Variants in IPO11 observed in about 807,000 individuals in gnomAD.
The protein encoded by IPO11 is importin 11.
Under a neutral mutation model 143.2 loss-of-function variants are expected in IPO11, and 66 were observed. That is an observed-to-expected ratio of 0.46 (90% CI 0.38 to 0.57). IPO11 has a LOEUF of 0.57. Among genes scored for constraint, IPO11 ranks in the 20% least tolerant of loss-of-function variants. IPO11 has a pLI of 0.00. For missense variants in IPO11, 1,026 were observed against 1,141.0 expected (o/e 0.90, Z 1.45); for synonymous variants, 385 against 377.8 (o/e 1.02, Z -0.22).
intron 28 of IPO11, among the ~76,000 whole-genome samples, chr5:62,598,380 C>G (rs28673493): frequency 4.3e-5 from 1 of 23,510 alleles, no homozygotes; most frequent in Non-Finnish European, 7.7e-5. Context: ...AAATTGTTTG[C>G]TTGCTTGCTT....
intron 24 of IPO11, among the ~76,000 whole-genome samples, chr5:62,542,103 T>TA (rs1742971734): frequency 1.3e-5 from 2 of 152,010 alleles, no homozygotes; most frequent in Non-Finnish European, 2.9e-5. Context: ...AAGATGGAGT[T>TA]ACGCTCTTGT....
chr5:62,496,841 A>G (rs537036667), intron 16 of IPO11, among the ~76,000 whole-genome samples: 4 of 152,228 alleles, frequency 2.6e-5, no homozygotes, highest in Admixed American at 6.5e-5. Flanking sequence ...ACCAAAAAAT[A>G]TGTCACTCTG....
intron 27 of IPO11, among the ~76,000 whole-genome samples, chr5:62,562,834 A>G (rs13174978): frequency 0.58 from 88,897 of 152,154 alleles, 26,249 homozygotes; most frequent in South Asian, 0.68. Context: ...ATAACAATAG[A>G]TAGTACTTAG....
intron 2 of IPO11, 42 bp from the exon 3 acceptor site, chr5:62,442,941 C>T (rs1303139181): frequency 1.8e-6 from 2 of 1,108,648 alleles, no homozygotes; most frequent in Non-Finnish European, 2.7e-6. Flanking sequence ...ATACTTTTTA[C>T]TTATTCCATG....
At chr5:62,487,678 A>G in intron 12 of IPO11, 93 bp from the exon 13 acceptor site, 1 of 1,211,384 alleles carries the variant, frequency 8.3e-7, no homozygotes, top group African/African-American at 1.6e-5. Context: ...TCAAAGTTTT[A>G]GAATTTTAAG....
In IPO11 at chr5:62,537,167, CA is replaced by C. The variant is rs772071620; in HGVS notation, c.2170-41del. On this transcript the variant is annotated intron_variant, in intron 23 of 29. Transcript: ENST00000325324. ...GAAATTTTATGCCTTTTTGATATTA[CA>C]GATATATTCTTACATATATTGACTT... The C allele has an allele frequency of 5.3e-6, 6 of 1,140,258 alleles. No individual in the cohort carries two copies. In the African/African-American group the frequency reaches 9.3e-5, roughly 18 times the overall value. The allele number at this position is 1,140,258 out of a possible 1,614,324, so 70.6% of individuals were successfully genotyped here.
At chr5:62,422,270 G>A (rs796223470) in intron 1 of IPO11, among the ~76,000 whole-genome samples, 1 of 152,036 alleles carries the variant, frequency 6.6e-6, no homozygotes, top group Non-Finnish European at 1.5e-5. Context: ...GGGATTATAG[G>A]TGCCCACCAC....
At chr5:62,548,780 A>G (rs1386998960) in intron 24 of IPO11, among the ~76,000 whole-genome samples, 2 of 151,964 alleles carry the variant, frequency 1.3e-5, no homozygotes, top group African/African-American at 4.8e-5. Context: ...CTCCTTTGAC[A>G]CCTTGGGATT....
chr5:62,568,305 T>A (rs1047365113), intron 27 of IPO11, among the ~76,000 whole-genome samples: 1 of 151,744 alleles, frequency 6.6e-6, no homozygotes, highest in African/African-American at 2.4e-5. Context: ...GTTACTCATT[T>A]TTTTCTTCTG....
At chr5:62,590,327 G>A (rs548156366) in intron 27 of IPO11, among the ~76,000 whole-genome samples, 1 of 152,180 alleles carries the variant, frequency 6.6e-6, no homozygotes, top group East Asian at 1.9e-4. Flanking sequence ...ATAAATTGTT[G>A]TTCTTTACTT....
intron 24 of IPO11, among the ~76,000 whole-genome samples, chr5:62,545,493 A>G (rs1743136638): frequency 1.3e-5 from 2 of 152,184 alleles, no homozygotes; most frequent in South Asian, 4.1e-4. Flanking sequence ...AACCATAAAA[A>G]CCCTAGAAGA....
At chr5:62,574,502 A>G (rs1580340412) in intron 27 of IPO11, among the ~76,000 whole-genome samples, 1 of 152,200 alleles carries the variant, frequency 6.6e-6, no homozygotes, top group Admixed American at 6.5e-5. Context: ...AAAACCCAGA[A>G]GGTGGTGGAT....
Position 62,561,189 on chromosome 5 carries a change from C to G in IPO11, c.2514C>G (p.Asn838Lys). The G allele has an allele frequency of 6.2e-7, 1 of 1,611,140 alleles. No individual in the cohort carries two copies. The highest frequency in any genetic ancestry group is 8.5e-7 in the Non-Finnish European group (1 of 1,178,542). The change falls in exon 27 of 30, where the codon AAC becomes AAG. Residue 838 changes from asparagine to lysine, a missense_variant. Coordinates refer to ENST00000325324, the MANE Select transcript of IPO11 (RefSeq NM_016338.5). ...MIEMWVDRMD[N>K]ITQPERRKLS... ...AAATGTGGGTTGATCGAATGGACAA[C>G]ATTACCCAGCCTGAAAGAAGAAAAC...
At chr5:62,617,004 T>C (rs903343059) in intron 29 of IPO11, among the ~76,000 whole-genome samples, 1 of 152,212 alleles carries the variant, frequency 6.6e-6, no homozygotes, top group African/African-American at 2.4e-5. Flanking sequence ...ATTTCCTCTT[T>C]ATAGCACCTG....
intron 27 of IPO11, among the ~76,000 whole-genome samples, chr5:62,566,610 T>C (rs1436159095): frequency 6.6e-6 from 1 of 151,686 alleles, no homozygotes; most frequent in African/African-American, 2.4e-5. Context: ...TGGTGGTGCA[T>C]GCCTATAATC....
At chr5:62,438,348 C>T (rs977907673) in intron 2 of IPO11, among the ~76,000 whole-genome samples, 26 of 149,760 alleles carry the variant, frequency 1.7e-4, no homozygotes, top group Non-Finnish European at 2.4e-4. Context: ...GTAACAGAAT[C>T]GTAAAAAAAA....
At chr5:62,584,543 G>C (rs1386153847) in intron 27 of IPO11, among the ~76,000 whole-genome samples, 1 of 150,624 alleles carries the variant, frequency 6.6e-6, no homozygotes, top group Non-Finnish European at 1.5e-5. Context: ...AGCCCAGCGG[G>C]AGGAGGTTGC....
intron 5 of IPO11, among the ~76,000 whole-genome samples, chr5:62,454,023 T>G (rs367871456): frequency 5.3e-5 from 8 of 152,120 alleles, no homozygotes; most frequent in East Asian, 3.9e-4. Context: ...TAGTCCCAGC[T>G]ACTCAGGAGG....
chr5:62,569,484 C>A (rs1458919987), intron 27 of IPO11, among the ~76,000 whole-genome samples: 1 of 152,132 alleles, frequency 6.6e-6, no homozygotes, highest in African/African-American at 2.4e-5. Flanking sequence ...TATTGCTCTG[C>A]CTGTTCTCTG....
Sources: gnomAD v4.1 joint callset for allele counts (sites outside exome capture counted in the v4.1 genomes callset) on GRCh38, gnomAD v4.1.1 for gene constraint, MANE v1.5 for transcripts, NCBI Gene and HGNC (gene_info 2026-07-23, HGNC 2026-07-21) for gene names.